BCAS4: variants seen among roughly 807,000 people sequenced by gnomAD.
BCAS4 encodes the protein breast carcinoma amplified sequence 4.
A neutral mutation model predicts 15.7 loss-of-function variants in BCAS4; 9 were observed. That is an observed-to-expected ratio of 0.57 (90% CI 0.34 to 1.00). BCAS4 has a LOEUF of 1.00. Ranked by LOEUF, BCAS4 falls within the 50% of genes least tolerant of loss-of-function variation. The pLI is 0.02. For synonymous variants in BCAS4, 101 were observed against 99.5 expected (o/e 1.02, Z -0.09); for missense variants, 225 against 239.1 (o/e 0.94, Z 0.39).
chr20:50,838,326 A>C (rs2058971191), intron 3 of BCAS4, among the ~76,000 whole-genome samples: 1 of 152,206 alleles, frequency 6.6e-6, no homozygotes, highest in Non-Finnish European at 1.5e-5. Flanking sequence ...TCAGAGGGCA[A>C]TGAGGGCTGT....
At chr20:50,802,436 C>T (rs902034906) in intron 1 of BCAS4, among the ~76,000 whole-genome samples, 3 of 152,110 alleles carry the variant, frequency 2.0e-5, no homozygotes, top group African/African-American at 7.2e-5. Context: ...CAAAACCTGC[C>T]CAGGAGTGGG....
intron 4 of BCAS4, among the ~76,000 whole-genome samples, chr20:50,854,454 G>T (rs950635234): frequency 3.3e-5 from 5 of 152,160 alleles, no homozygotes; most frequent in Non-Finnish European, 7.3e-5. Context: ...GACGCTCTGC[G>T]CTGACCTCAT....
intron 2 of BCAS4, among the ~76,000 whole-genome samples, chr20:50,819,273 A>T (rs2088183443): frequency 6.6e-6 from 1 of 152,094 alleles, no homozygotes; most frequent in South Asian, 2.1e-4. Context: ...AGGAGTGCTG[A>T]TAGAATTTTC....
At chr20:50,830,183 C>T in intron 2 of BCAS4, 96 bp from the exon 3 acceptor site, 2 of 950,528 alleles carry the variant, frequency 2.1e-6, no homozygotes, top group Non-Finnish European at 3.3e-6. Flanking sequence ...CCTCAGCCAT[C>T]ATTGGGGTCT....
intron 1 of BCAS4, among the ~76,000 whole-genome samples, chr20:50,801,034 A>C (rs1036387176): frequency 6.6e-6 from 1 of 152,178 alleles, no homozygotes; most frequent in Non-Finnish European, 1.5e-5. Context: ...TCCAACTTGC[A>C]AACACGGCAC....
intron 4 of BCAS4, among the ~76,000 whole-genome samples, chr20:50,870,401 G>A (rs960007064): frequency 2.6e-5 from 4 of 152,224 alleles, no homozygotes; most frequent in African/African-American, 9.6e-5. Context: ...TTCTGACTGG[G>A]GGGCTTCAGA....
At chr20:50,847,286 C>T (rs192256319) in intron 4 of BCAS4, among the ~76,000 whole-genome samples, 12 of 152,210 alleles carry the variant, frequency 7.9e-5, no homozygotes. Context: ...GGAGTTTCGA[C>T]ACATTGGCCA....
intron 4 of BCAS4, among the ~76,000 whole-genome samples, chr20:50,867,262 C>T (rs776828786): frequency 1.3e-5 from 2 of 152,168 alleles, no homozygotes; most frequent in Non-Finnish European, 2.9e-5. Flanking sequence ...CATCATGTCT[C>T]CCCAGCCTCC....
intron 1 of BCAS4, among the ~76,000 whole-genome samples, chr20:50,804,561 T>C (rs1441267954): frequency 6.6e-6 from 1 of 152,236 alleles, no homozygotes. Flanking sequence ...TTTATGCAAA[T>C]ATGTAGGATA....
chr20:50,811,270 C>G (rs1031520735), intron 1 of BCAS4, among the ~76,000 whole-genome samples: 1 of 152,032 alleles, frequency 6.6e-6, no homozygotes, highest in Non-Finnish European at 1.5e-5. Context: ...GAGGCTGAGG[C>G]GGGAGGATCC....
intron 4 of BCAS4, among the ~76,000 whole-genome samples, chr20:50,860,071 G>A (rs1337538708): frequency 6.6e-6 from 1 of 152,136 alleles, no homozygotes; most frequent in African/African-American, 2.4e-5. Flanking sequence ...GGGAGGTTGA[G>A]GCTGCAGTGA....
At chr20:50,827,052 G>A (rs1457176682) in intron 2 of BCAS4, among the ~76,000 whole-genome samples, 1 of 152,120 alleles carries the variant, frequency 6.6e-6, no homozygotes, top group Admixed American at 6.6e-5. Context: ...AACCAGCATT[G>A]GTATGTTGCT....
downstream of BCAS4, chr20:50,877,927 G>A (rs1980028446): frequency 6.6e-6 from 1 of 152,108 alleles, no homozygotes; most frequent in Non-Finnish European, 1.5e-5. Flanking sequence ...TGGCGTGCTG[G>A]TGCACATCTG....
At chr20:50,839,023 G>A (rs1055822324) in intron 3 of BCAS4, among the ~76,000 whole-genome samples, 1 of 152,162 alleles carries the variant, frequency 6.6e-6, no homozygotes, top group Non-Finnish European at 1.5e-5. Context: ...GGTAGGGCTA[G>A]ATGGCAGGAG....
intron 3 of BCAS4, among the ~76,000 whole-genome samples, chr20:50,838,616 G>A (rs1307529694): frequency 2.0e-5 from 3 of 151,950 alleles, no homozygotes; most frequent in African/African-American, 7.3e-5. Context: ...AGGCTGAGGC[G>A]GGTGGGTCAC....
chr20:50,802,031 C>T (rs942802761), intron 1 of BCAS4, among the ~76,000 whole-genome samples: 2 of 151,932 alleles, frequency 1.3e-5, no homozygotes, highest in Non-Finnish European at 2.9e-5. Flanking sequence ...GCATGAAGGA[C>T]AGGTTCTGAT....
chr20:50,836,063 G>C (rs138808206), intron 3 of BCAS4, among the ~76,000 whole-genome samples: 1,531 of 152,126 alleles, frequency 0.01, 13 homozygotes, highest in Non-Finnish European at 0.016. Flanking sequence ...GATTACAGGC[G>C]CGTGCCACCA....
At chr20:50,831,354 A>G (rs2088341157) in intron 3 of BCAS4, among the ~76,000 whole-genome samples, 1 of 151,934 alleles carries the variant, frequency 6.6e-6, no homozygotes, top group South Asian at 2.1e-4. Flanking sequence ...CAGAGGTTGC[A>G]GTGAGCCAAG....
chr20:50,802,893 A>C (rs1282915417), intron 1 of BCAS4, among the ~76,000 whole-genome samples: 1 of 150,760 alleles, frequency 6.6e-6, no homozygotes, highest in Non-Finnish European at 1.5e-5. Flanking sequence ...ACAAAACAAA[A>C]CACGTTGGCT....
Sources: gnomAD v4.1 joint callset for allele counts (sites outside exome capture counted in the v4.1 genomes callset) on GRCh38, gnomAD v4.1.1 for gene constraint, MANE v1.5 for transcripts, NCBI Gene and HGNC (gene_info 2026-07-23, HGNC 2026-07-21) for gene names.